TGFB2: variants seen among roughly 807,000 people sequenced by gnomAD.
The protein encoded by TGFB2 is transforming growth factor beta 2, also known as transforming growth factor beta-2 proprotein.
A neutral mutation model predicts 42.7 loss-of-function variants in TGFB2; 13 were observed. The ratio of observed to expected loss-of-function variants is 0.30; its 90% confidence interval spans 0.20 to 0.48. The LOEUF is 0.48. Among genes scored for constraint, TGFB2 ranks in the 20% least tolerant of loss-of-function variants. The probability of loss-of-function intolerance (pLI) is 0.99; values close to 1 mark genes in which losing one functional copy is unlikely to be tolerated. For missense variants in TGFB2, 390 were observed against 517.5 expected (o/e 0.75, Z 2.39); for synonymous variants, 193 against 193.6 (o/e 1.00, Z 0.03).
intron 1 of TGFB2, among the ~76,000 whole-genome samples, chr1:218,372,092 GCCT>G (rs1657592965): frequency 2.6e-5 from 4 of 152,030 alleles, no homozygotes; most frequent in Non-Finnish European, 5.9e-5. Context: ...TATCTCCACA[GCCT>G]ATTCTTAGTA....
intron 1 of TGFB2, among the ~76,000 whole-genome samples, chr1:218,352,700 T>C (rs952918345): frequency 2.0e-5 from 3 of 152,202 alleles, no homozygotes; most frequent in African/African-American, 4.8e-5. Flanking sequence ...ACTTCCTGAA[T>C]TGGCTTGGTG....
intron 1 of TGFB2, among the ~76,000 whole-genome samples, chr1:218,399,630 A>G (rs570579556): frequency 2.2e-3 from 330 of 152,286 alleles, no homozygotes; most frequent in Non-Finnish European, 3.2e-3. Context: ...GTGAAATGTT[A>G]AAGGATAGTG....
Position 218,428,871 on chromosome 1 carries a change from A to G in TGFB2, c.511-5211A>G, listed in dbSNP as rs370490443. On this transcript the variant is annotated intron_variant, in intron 2 of 6. Transcript: ENST00000366930. ...AAAGTAGTTTTTTCCAATTCTGTGA[A>G]GAAAGCCACTGGTAGCTTGATGGGG... 3.0e-4 allele frequency among the ~76,000 whole-genome samples: 46 copies of G among 152,250 alleles called. 1 individual carries two copies. Among genetic ancestry groups the G allele is most frequent in the East Asian group, 1.7e-3 (9 of 5,176 alleles).
chr1:218,382,020 G>A (rs903116694), intron 1 of TGFB2, among the ~76,000 whole-genome samples: 2 of 152,134 alleles, frequency 1.3e-5, no homozygotes, highest in African/African-American at 4.8e-5. Flanking sequence ...ATTCCTGCAG[G>A]TCAGCAGAAA....
chr1:218,386,953 T>G (rs1191006212), intron 1 of TGFB2, among the ~76,000 whole-genome samples: 1 of 152,224 alleles, frequency 6.6e-6, no homozygotes, highest in African/African-American at 2.4e-5. Context: ...TCTTTTGCTG[T>G]TCCCGTCTAT....
At chr1:218,435,605 T>C (rs551153423) in intron 4 of TGFB2, among the ~76,000 whole-genome samples, 1 of 152,094 alleles carries the variant, frequency 6.6e-6, no homozygotes, top group South Asian at 2.1e-4. Flanking sequence ...TCTATTGCCA[T>C]GTGTTCAGTT....
At chr1:218,425,294 G>A (rs1404164824) in intron 2 of TGFB2, among the ~76,000 whole-genome samples, 1 of 152,062 alleles carries the variant, frequency 6.6e-6, no homozygotes, top group Non-Finnish European at 1.5e-5. Flanking sequence ...CACAAGCTCC[G>A]TCTCCTGGGT....
At chr1:218,431,175 A>G (rs1442379317) in intron 2 of TGFB2, among the ~76,000 whole-genome samples, 1 of 152,184 alleles carries the variant, frequency 6.6e-6, no homozygotes, top group Non-Finnish European at 1.5e-5. Context: ...ATGAGTCTGG[A>G]GCTAGTGAAA....
chr1:218,384,691 C>T (rs1658073468), intron 1 of TGFB2, among the ~76,000 whole-genome samples: 1 of 152,174 alleles, frequency 6.6e-6, no homozygotes, highest in Admixed American at 6.5e-5. Context: ...ATTTAACATA[C>T]GTTTGCTTCA....
chr1:218,387,098 A>G (rs1327493734), intron 1 of TGFB2, among the ~76,000 whole-genome samples: 5 of 152,172 alleles, frequency 3.3e-5, no homozygotes, highest in Non-Finnish European at 4.4e-5. Context: ...CTGGACCTTC[A>G]AGGATGAATA....
At chr1:218,384,712 C>T (rs566709127) in intron 1 of TGFB2, among the ~76,000 whole-genome samples, 5 of 152,326 alleles carry the variant, frequency 3.3e-5, no homozygotes, top group African/African-American at 9.6e-5. Flanking sequence ...TCTCATTTTT[C>T]CTTAAACTCA....
intron 1 of TGFB2, among the ~76,000 whole-genome samples, chr1:218,367,140 TG>T (rs1200979525): frequency 6.6e-5 from 10 of 151,810 alleles, no homozygotes; most frequent in African/African-American, 2.4e-4. Flanking sequence ...AACGGTGGAG[TG>T]GGGAAGGGAC....
intron 2 of TGFB2, among the ~76,000 whole-genome samples, chr1:218,409,441 T>G (rs1275743990): frequency 2.6e-5 from 4 of 152,198 alleles, no homozygotes; most frequent in Non-Finnish European, 5.9e-5. Context: ...TGGAGTCCTA[T>G]TTTTAGTATG....
At chr1:218,416,286 A>C (rs1350692700) in intron 2 of TGFB2, among the ~76,000 whole-genome samples, 2 of 150,148 alleles carry the variant, frequency 1.3e-5, no homozygotes, top group African/African-American at 4.9e-5. Context: ...ATTTTTAATA[A>C]GGTTCCTTTT....
chr1:218,415,567 C>T (rs896030469), intron 2 of TGFB2, among the ~76,000 whole-genome samples: 3 of 151,678 alleles, frequency 2.0e-5, no homozygotes, highest in East Asian at 1.9e-4. Flanking sequence ...TGGTGGCGGG[C>T]GCCTGTAATC....
intron 1 of TGFB2, among the ~76,000 whole-genome samples, chr1:218,352,682 A>G (rs972393444): frequency 1.3e-5 from 2 of 152,174 alleles, no homozygotes; most frequent in African/African-American, 4.8e-5. Flanking sequence ...CACTCTCACC[A>G]CTACCTTACT....
chr1:218,434,055 T>G, intron 2 of TGFB2, 27 bp from the exon 3 acceptor site: 1 of 1,611,250 alleles, frequency 6.2e-7, no homozygotes, highest in Non-Finnish European at 8.5e-7. Context: ...CAACTCAGCC[T>G]TTTCTCTTGC....
chr1:218,418,186 C>T (rs977394690), intron 2 of TGFB2, among the ~76,000 whole-genome samples: 19 of 152,324 alleles, frequency 1.2e-4, no homozygotes, highest in African/African-American at 3.8e-4. Context: ...TAAAAGCAGC[C>T]AAGAGGGGGG....
rs543780788 is a variant in TGFB2, at chr1:218,377,597, G to A, written c.347-27572G>A. ...CTCCCCCTAATGTATTTTACATTGG[G>A]AGATACTTATGCTTCCTCAGCACAA... On this transcript the variant is annotated intron_variant, in intron 1 of 6. Coordinates refer to ENST00000366930, the MANE Select transcript of TGFB2 (RefSeq NM_003238.6). 7.2e-5 allele frequency among the ~76,000 whole-genome samples: 11 copies of A among 152,132 alleles called. No homozygotes were observed. The East Asian group carries it at 1.2e-3, about 16-fold the overall frequency.
Sources: allele counts gnomAD v4.1 joint callset (sites outside exome capture counted in the v4.1 genomes callset), GRCh38; gene constraint gnomAD v4.1.1; transcripts MANE v1.5; gene names NCBI Gene and HGNC (gene_info 2026-07-23, HGNC 2026-07-21).